The following PPP1R3B variants were observed in gnomAD, a reference collection of about 807,000 sequenced individuals.
PPP1R3B encodes protein phosphatase 1 regulatory subunit 3B, also known as PP1 subunit R4.
PPP1R3B carries 8 observed loss-of-function variants against 14.6 expected under a neutral mutation model. The ratio of observed to expected loss-of-function variants is 0.55; its 90% CI spans 0.32 to 0.99. The LOEUF (loss-of-function observed/expected upper bound fraction) is 0.99. PPP1R3B is among the 50% of genes least tolerant of loss of function. The pLI, the probability that PPP1R3B is intolerant of heterozygous loss-of-function variation, is 0.04. For missense variants in PPP1R3B, 452 were observed against 360.1 expected (o/e 1.26, Z -2.07); for synonymous variants, 169 against 142.0 (o/e 1.19, Z -1.35).
rs577792454 is a variant in PPP1R3B at position 9,149,458 on chromosome 8, G to C, written c.-18+1105C>G. On this transcript the variant is annotated intron_variant, in intron 1 of 1. Coordinates refer to ENST00000310455, the MANE Select transcript of PPP1R3B (RefSeq NM_024607.4). ...GCGGAGCTTACAATGAGCCAGAGAT[G>C]GCGCCACTGCACTCCAGCCTGGGCG... Among the ~76,000 whole-genome samples the C allele has an allele frequency of 3.9e-5, 6 of 152,260 alleles. No individual in the cohort carries two copies. The South Asian group carries it at 1.2e-3, about 32-fold the overall frequency.
intron 1 of PPP1R3B, among the ~76,000 whole-genome samples, chr8:9,144,185 CT>C (rs1007236802): frequency 3.0e-3 from 401 of 135,060 alleles, no homozygotes; most frequent in East Asian, 0.029. Context: ...ACAAGTTTTT[CT>C]TTTTTTTTTT....
rs1205714524 is a variant in PPP1R3B at position 9,139,368 on chromosome 8, A to T, written c.*1426T>A. The stretch of plus-strand genomic sequence containing the variant: ...TTTTCTCCCCTATCTCTTTACATAC[A>T]CACCATAAATAAGAACACCCAAGTC... On this transcript the variant is annotated 3_prime_UTR_variant, in exon 2 of 2. Coordinates refer to ENST00000310455, the MANE Select transcript of PPP1R3B (RefSeq NM_024607.4). 6.6e-6 allele frequency: 1 copy of T among 152,210 alleles called. No individual in the cohort carries two copies. The highest frequency in any genetic ancestry group is 1.5e-5 in the Non-Finnish European group (1 of 68,028). 9.4% of individuals were successfully genotyped at this position (152,210 alleles called of 1,614,324 possible).
intron 1 of PPP1R3B, among the ~76,000 whole-genome samples, chr8:9,148,867 TTCTC>T (rs771344539): frequency 1.1e-4 from 16 of 151,938 alleles, no homozygotes; most frequent in East Asian, 5.8e-4. Flanking sequence ...CATTCTCTTA[TTCTC>T]TCTCTCTCTT....
Position 9,141,602 on chromosome 8 carries a change from A to G in PPP1R3B, c.50T>C (p.Leu17Ser). 1 of 1,614,024 alleles carries G rather than the reference A, an allele frequency of 6.2e-7. No homozygotes were observed. Among genetic ancestry groups the G allele is most frequent in the Non-Finnish European group, 8.5e-7 (1 of 1,180,018 alleles). The stretch of plus-strand genomic sequence containing the variant: ...CTTAAAGGCAAACCTCTCTTGGCGC[A>G]AGGAAGGAGCCATGCAGTTGTATCT... ...EYRYNCMAPS[L>S]RQERFAFKIS... The change falls in exon 2 of 2, where the codon TTG (leucine) becomes TCG (serine). Residue 17 changes from leucine to serine, a missense_variant. Leu to Ser is a moderately radical substitution (Grantham distance 145). Transcript: ENST00000310455.
rs936062810 is a variant in PPP1R3B, at chr8:9,138,695, T to C, written c.*2099A>G. On this transcript the variant is annotated 3_prime_UTR_variant, in exon 2 of 2. Coordinates refer to ENST00000310455, the MANE Select transcript of PPP1R3B (RefSeq NM_024607.4). ...CAAATCCAGGCAACTGTGCTTCCAC[T>C]CCTCTTCTTGCTTGCCTTAGGAAAA... The C allele has an allele frequency of 1.3e-5, 2 of 152,290 alleles. No homozygotes were observed. Among genetic ancestry groups the C allele is most frequent in the Non-Finnish European group, 2.9e-5 (2 of 68,038 alleles). The allele number at this position is 152,290 out of a possible 1,614,324, so 9.4% of individuals were successfully genotyped here. A position where few individuals can be genotyped will look rare whatever the true frequency, so the allele number is the denominator to read the frequency against.
rs1266222305 is a variant in PPP1R3B at position 9,140,674 on chromosome 8, C to T, written c.*120G>A. ...GAAGTGAAGAGGATCCTTTTATTTTCCCAAACGGGGCCTCATGGAAGTTCC... is the reference window on the plus strand; with the variant it reads ...GAAGTGAAGAGGATCCTTTTATTTTTCCAAACGGGGCCTCATGGAAGTTCC... On this transcript the variant is annotated 3_prime_UTR_variant, in exon 2 of 2. Coordinates refer to ENST00000310455, the MANE Select transcript of PPP1R3B (RefSeq NM_024607.4). 1.9e-6 allele frequency: 2 copies of T among 1,045,150 alleles called. No individual in the cohort carries two copies. The highest frequency in any genetic ancestry group is 3.2e-5 in the African/African-American group (2 of 62,922). 64.7% of individuals were successfully genotyped at this position (1,045,150 alleles called of 1,614,324 possible).
chr8:9,148,532 A>C (rs1447957838), intron 1 of PPP1R3B, among the ~76,000 whole-genome samples: 1 of 152,184 alleles, frequency 6.6e-6, no homozygotes, highest in African/African-American at 2.4e-5. Context: ...GCTTCCATAG[A>C]GATGCCTCAG....
intron 1 of PPP1R3B, among the ~76,000 whole-genome samples, chr8:9,144,876 G>C (rs976876854): frequency 1.3e-5 from 2 of 152,116 alleles, no homozygotes; most frequent in East Asian, 3.9e-4. Flanking sequence ...CTTTCGAGTA[G>C]CTGGGATTAC....
intron 1 of PPP1R3B, among the ~76,000 whole-genome samples, chr8:9,148,323 C>A (rs759009553): frequency 6.6e-6 from 1 of 152,214 alleles, no homozygotes; most frequent in African/African-American, 2.4e-5. Flanking sequence ...GACAGACTCT[C>A]TGGCTGCTCC....
rs377719474 is a variant in PPP1R3B at position 9,149,111 on chromosome 8, C to A, written c.-18+1452G>T. ...AGGAGGCCGAGGCAGGAGAATGGCG[C>A]GAACCCGGGAGGCGGAGCTTGCAGT... On this transcript the variant is annotated intron_variant, in intron 1 of 1. Transcript: ENST00000310455. Among the ~76,000 whole-genome samples the A allele has an allele frequency of 2.2e-5, 3 of 134,190 alleles. No individual in the cohort carries two copies. The South Asian group carries it at 7.3e-4, about 32-fold the overall frequency. 88.0% of individuals were successfully genotyped at this position (134,190 alleles called of 152,430 possible).
chr8:9,145,302 A>G (rs1341707993), intron 1 of PPP1R3B: 1 of 152,350 alleles, frequency 6.6e-6, no homozygotes, highest in Non-Finnish European at 1.5e-5. Context: ...AGACAGCAAG[A>G]CCAACCCCTT....
rs1049118796 is a variant in PPP1R3B at position 9,136,636 on chromosome 8, C to T, written c.*4158G>A. ...ACTGCTCGTAACAACAGCTGTCCTTCCCAGTTCCACATGTGTTGTCTCACT... is the reference window on the plus strand; with the variant it reads ...ACTGCTCGTAACAACAGCTGTCCTTTCCAGTTCCACATGTGTTGTCTCACT... On this transcript the variant is annotated 3_prime_UTR_variant, in exon 2 of 2. Transcript: ENST00000310455. The T allele has an allele frequency of 6.6e-6, 1 of 152,232 alleles. No homozygotes were observed. The highest frequency in any genetic ancestry group is 1.5e-5 in the Non-Finnish European group (1 of 68,050). The allele number at this position is 152,232 out of a possible 1,614,324, so 9.4% of individuals were successfully genotyped here.
chr8:9,143,917 G>A (rs1801161381), intron 1 of PPP1R3B, among the ~76,000 whole-genome samples: 2 of 152,016 alleles, frequency 1.3e-5, no homozygotes, highest in Admixed American at 1.3e-4. Flanking sequence ...CAGACAAACT[G>A]TGAAAATATT....
In PPP1R3B at chr8:9,142,971, G is replaced by A. The variant is rs370326973; in HGVS notation, c.-17-1303C>T. ...GTGAATAACGCTGCAATGAACATAA[G>A]AGTACAGATAACTCTCCGATACACT... On this transcript the variant is annotated intron_variant, in intron 1 of 1. Coordinates refer to ENST00000310455, the MANE Select transcript of PPP1R3B (RefSeq NM_024607.4). Among the ~76,000 whole-genome samples, 113 of 152,294 alleles carry A rather than the reference G, an allele frequency of 7.4e-4. 1 individual carries two copies. In the South Asian group the frequency reaches 0.023, roughly 32 times the overall value.
chr8:9,147,188 G>A (rs1801266204), intron 1 of PPP1R3B, among the ~76,000 whole-genome samples: 2 of 152,142 alleles, frequency 1.3e-5, no homozygotes, highest in East Asian at 1.9e-4. Context: ...TGTATTTTTA[G>A]TAGAGACGGG....
chr8:9,141,781 ATGCC>A, intron 1 of PPP1R3B, 113 bp from the exon 2 acceptor site: 9 of 935,382 alleles, frequency 9.6e-6, no homozygotes, highest in Admixed American at 9.0e-5. Flanking sequence ...CCTTTTATCT[ATGCC>A]CACCTGGCTA....
rs1383781675 is a variant in PPP1R3B at position 9,141,675 on chromosome 8, C to A, written c.-17-7G>T. On this transcript the variant is annotated splice_polypyrimidine_tract_variant and splice_region_variant and intron_variant, in intron 1 of 1. Coordinates refer to ENST00000310455, the MANE Select transcript of PPP1R3B (RefSeq NM_024607.4). Reference sequence around the variant, plus strand: ...ATGGGGCTAGATGAACAGGCTAGAACCGTGGAAAGGGAAGAGAAGAAAGAA... The same window carrying A: ...ATGGGGCTAGATGAACAGGCTAGAAACGTGGAAAGGGAAGAGAAGAAAGAA... The A allele has an allele frequency of 6.2e-7, 1 of 1,602,392 alleles. No homozygotes were observed. Among genetic ancestry groups the A allele is most frequent in the African/African-American group, 1.3e-5 (1 of 74,628 alleles).
chr8:9,138,852 C>T lies in PPP1R3B; in HGVS notation c.*1942G>A, dbSNP rs957786841. 8 of 152,132 alleles carry T rather than the reference C, an allele frequency of 5.3e-5. No homozygotes were observed. Among genetic ancestry groups the T allele is most frequent in the African/African-American group, 1.9e-4 (8 of 41,416 alleles). 9.4% of individuals were successfully genotyped at this position (152,132 alleles called of 1,614,324 possible). A position where few individuals can be genotyped will look rare whatever the true frequency, so the allele number is the denominator to read the frequency against. On this transcript the variant is annotated 3_prime_UTR_variant, in exon 2 of 2. Coordinates refer to ENST00000310455, the MANE Select transcript of PPP1R3B (RefSeq NM_024607.4). The stretch of plus-strand genomic sequence containing the variant: ...CTTGTAAAAATATATTTTTAAAGCA[C>T]CCCTAAGTAAACACCAATCTTGCCC...
upstream of PPP1R3B, chr8:9,151,537 C>G (rs1433025313): frequency 1.3e-5 from 3 of 228,540 alleles, no homozygotes; most frequent in African/African-American, 7.2e-5. Flanking sequence ...TCACCCGGGA[C>G]TCGAGCTCCC....
Sources: allele counts gnomAD v4.1 joint callset (sites outside exome capture counted in the v4.1 genomes callset), GRCh38; gene constraint gnomAD v4.1.1; transcripts MANE v1.5; gene names NCBI Gene and HGNC (gene_info 2026-07-23, HGNC 2026-07-21).